ZYG11B: variants seen among roughly 807,000 people sequenced by gnomAD.
ZYG11B encodes protein zyg-11 homolog B.
Under a neutral mutation model 82.4 loss-of-function variants are expected in ZYG11B, and 36 were observed. The observed-to-expected ratio is 0.44, with a 90% CI of 0.33 to 0.58. The LOEUF is 0.58. Ranked by LOEUF, ZYG11B falls within the 20% of genes least tolerant of loss-of-function variation. The pLI is 0.02. For missense variants in ZYG11B, 552 were observed against 895.6 expected, an observed-to-expected ratio of 0.62 and a Z score of 4.90; for synonymous variants, 303 against 312.8, an observed-to-expected ratio of 0.97 and a Z score of 0.33.
At position 52,821,766 on chromosome 1, in the gene ZYG11B, G is replaced by A. The variant is rs1645286219; in HGVS notation, c.*137G>A. The A allele has an allele frequency of 4.3e-6, 3 of 691,046 alleles. No individual in the cohort carries two copies. The highest frequency in any genetic ancestry group is 2.8e-5 in the East Asian group (1 of 35,700). The allele number at this position is 691,046 out of a possible 1,614,324, so 42.8% of individuals were successfully genotyped here. A position where few individuals can be genotyped will look rare whatever the true frequency, so the allele number is the denominator to read the frequency against. On this transcript the variant is annotated 3_prime_UTR_variant, in exon 14 of 14. Coordinates refer to ENST00000294353, the MANE Select transcript of ZYG11B (RefSeq NM_024646.3). ...ATCAGTTTGGGATTGATAATGTGTA[G>A]TACTGCCCATGTGAACAGTCTCTAA...
chr1:52,814,482 G>T (rs1017227352), intron 12 of ZYG11B, among the ~76,000 whole-genome samples: 1 of 152,186 alleles, frequency 6.6e-6, no homozygotes, highest in African/African-American at 2.4e-5. Flanking sequence ...CTGCACACAA[G>T]AATTTTATAT....
chr1:52,753,400 C>T (rs1644542533), intron 1 of ZYG11B, among the ~76,000 whole-genome samples: 1 of 149,514 alleles, frequency 6.7e-6, no homozygotes, highest in African/African-American at 2.4e-5. Context: ...TGTTCTTCTT[C>T]TTCTGGTTGT....
At chr1:52,736,142 C>T (rs1644376890) in intron 1 of ZYG11B, among the ~76,000 whole-genome samples, 1 of 152,146 alleles carries the variant, frequency 6.6e-6, no homozygotes, top group Non-Finnish European at 1.5e-5. Flanking sequence ...CTGTGCTATA[C>T]AGATTGTACT....
At chr1:52,768,882 C>T (rs1476286957) in intron 2 of ZYG11B, among the ~76,000 whole-genome samples, 1 of 152,228 alleles carries the variant, frequency 6.6e-6, no homozygotes, top group Non-Finnish European at 1.5e-5. Context: ...GCATGAGCCA[C>T]TGCACCTGGC....
chr1:52,776,992 T>C (rs1248949981), intron 3 of ZYG11B, among the ~76,000 whole-genome samples: 1 of 152,094 alleles, frequency 6.6e-6, no homozygotes, highest in African/African-American at 2.4e-5. Context: ...GGCTGATCAT[T>C]TGAGGTCAGG....
rs543464625 is a variant in ZYG11B, at chr1:52,735,797, C to T, written c.30+9114C>T. ...AAGTGATCTGCCTGCCTTGGTCTTC[C>T]TACTCAGAAGTTTTAAATTCCTCCC... is the stretch of plus-strand genomic sequence containing the variant. On this transcript the variant is annotated intron_variant, in intron 1 of 13. Coordinates refer to ENST00000294353, the MANE Select transcript of ZYG11B (RefSeq NM_024646.3). 2.0e-5 allele frequency among the ~76,000 whole-genome samples: 3 copies of T among 152,254 alleles called. No individual in the cohort carries two copies. In the South Asian group the frequency reaches 6.2e-4, roughly 32 times the overall value.
At chr1:52,730,865 G>GAAAGA (rs1644326087) in intron 1 of ZYG11B, among the ~76,000 whole-genome samples, 1 of 150,114 alleles carries the variant, frequency 6.7e-6, no homozygotes, top group Non-Finnish European at 1.5e-5. Flanking sequence ...AAATAGAAAG[G>GAAAGA]AAAGAAAAGA....
intron 12 of ZYG11B, 119 bp downstream of exon 12, chr1:52,814,031 AT>A: frequency 1.1e-6 from 1 of 932,678 alleles, no homozygotes; most frequent in Non-Finnish European, 1.6e-6. Context: ...TTATTTATTT[AT>A]TTATTTTGAG....
Position 52,784,978 on chromosome 1 carries a change from G to A in ZYG11B, c.1194G>A (p.Gly398=), listed in dbSNP as rs6588443. ...FNLTKQDLAA[G]MPVRLLADVT... ...TAACCAAGCAGGATCTTGCTGCAGG[G>A]ATGCCTGTCCGACTCCTGGCTGATG... The change falls in exon 5 of 14, where the codon GGG becomes GGA. Residue 398 remains glycine, a synonymous_variant. Transcript: ENST00000294353. 0.48 allele frequency: 776,194 copies of A among 1,613,742 alleles called. 201,718 individuals carry two copies. Among genetic ancestry groups the A allele is most frequent in the East Asian group, 0.97 (43,631 of 44,864 alleles).
chr1:52,743,180 A>AT (rs1294193944), intron 1 of ZYG11B, among the ~76,000 whole-genome samples: 2 of 152,014 alleles, frequency 1.3e-5, no homozygotes, highest in Non-Finnish European at 2.9e-5. Context: ...AGGGAAGTAG[A>AT]CGTAGGAGAC....
intron 2 of ZYG11B, among the ~76,000 whole-genome samples, chr1:52,757,408 G>A (rs543732712): frequency 6.6e-6 from 1 of 152,224 alleles, no homozygotes; most frequent in East Asian, 1.9e-4. Context: ...GGGCGTGGTG[G>A]CTCATGCCTG....
intron 5 of ZYG11B, among the ~76,000 whole-genome samples, chr1:52,788,264 T>G (rs1644930094): frequency 1.3e-5 from 2 of 152,206 alleles, no homozygotes; most frequent in African/African-American, 4.8e-5. Context: ...TAGTTCAGAC[T>G]GTAGCCCCCA....
At position 52,762,980 on chromosome 1, in the gene ZYG11B, G is replaced by GT. The variant is rs200069399; in HGVS notation, c.196+6357_196+6358insT. The stretch of plus-strand genomic sequence containing the variant: ...GTTTTTGTAAAGGTGAGAGATTGGG[G>GT]GGGGGGGGTCTAGTTTCATTCTTTT... On this transcript the variant is annotated intron_variant, in intron 2 of 13. Transcript: ENST00000294353. Among the ~76,000 whole-genome samples the GT allele has an allele frequency of 4.9e-3, 703 of 142,440 alleles. 26 individuals are homozygous for GT. The highest frequency in any genetic ancestry group is 0.041 in the East Asian group (178 of 4,390). The allele number at this position is 142,440 out of a possible 152,430, so 93.4% of individuals were successfully genotyped here. A position where few individuals can be genotyped will look rare whatever the true frequency, so the allele number is the denominator to read the frequency against.
chr1:52,776,718 T>C (rs1180089484), intron 3 of ZYG11B, among the ~76,000 whole-genome samples: 1 of 152,142 alleles, frequency 6.6e-6, no homozygotes, highest in African/African-American at 2.4e-5. Context: ...ATTTCCCTCT[T>C]AGAGTTTTTT....
chr1:52,751,991 A>G (rs542351782), intron 1 of ZYG11B, among the ~76,000 whole-genome samples: 1 of 151,514 alleles, frequency 6.6e-6, no homozygotes, highest in East Asian at 2.0e-4. Flanking sequence ...ATACGGAGCA[A>G]TTCTCCTATT....
chr1:52,751,809 C>T (rs921459722), intron 1 of ZYG11B, among the ~76,000 whole-genome samples: 3 of 152,120 alleles, frequency 2.0e-5, no homozygotes, highest in Non-Finnish European at 4.4e-5. Flanking sequence ...AGGACCAAGG[C>T]ATGTGATAGG....
chr1:52,820,714 TAAA>T (rs34434230), intron 13 of ZYG11B, among the ~76,000 whole-genome samples: 5 of 27,224 alleles, frequency 1.8e-4, no homozygotes, highest in Non-Finnish European at 2.8e-4. Context: ...AGACTGTCTT[TAAA>T]AAAAAAAAAA....
At chr1:52,811,654 A>G (rs1645183727) in intron 10 of ZYG11B, among the ~76,000 whole-genome samples, 1 of 151,138 alleles carries the variant, frequency 6.6e-6, no homozygotes, top group Non-Finnish European at 1.5e-5. Flanking sequence ...TTTTTCCGGA[A>G]GCATCTCATC....
rs748989436 is a variant in ZYG11B, at chr1:52,813,840, G to A, written c.1894-20G>A. The A allele has an allele frequency of 5.6e-6, 9 of 1,613,884 alleles. No individual in the cohort carries two copies. The African/African-American group carries it at 1.2e-4, about 22-fold the overall frequency. On this transcript the variant is annotated intron_variant, in intron 11 of 13. Coordinates refer to ENST00000294353, the MANE Select transcript of ZYG11B (RefSeq NM_024646.3). ...TAAATAAATATTGTAATCCTTTCTT[G>A]TGTGTCTTTTGTCTTCCAGCATTCA... is the stretch of plus-strand genomic sequence containing the variant.
Sources: gnomAD v4.1 joint callset for allele counts (sites outside exome capture counted in the v4.1 genomes callset) on GRCh38, gnomAD v4.1.1 for gene constraint, MANE v1.5 for transcripts, NCBI Gene and HGNC (gene_info 2026-07-23, HGNC 2026-07-21) for gene names.